STARD6: variants seen among roughly 807,000 people sequenced by gnomAD.
STARD6 encodes stAR-related lipid transfer protein 6.
A neutral mutation model predicts 22.3 loss-of-function variants in STARD6; 21 were observed. The ratio of observed to expected loss-of-function variants is 0.94; its 90% confidence interval spans 0.67 to 1.35. STARD6 has a LOEUF of 1.35. STARD6 is among the 40% of genes most tolerant of loss of function. The pLI is 0.00. For synonymous variants in STARD6, 80 were observed against 88.1 expected (o/e 0.91, Z 0.52); for missense variants, 269 against 266.9 (o/e 1.01, Z -0.05).
chr18:54,328,272 T>C (rs933559980), intron 7 of STARD6, among the ~76,000 whole-genome samples: 4 of 152,208 alleles, frequency 2.6e-5, no homozygotes, highest in African/African-American at 7.2e-5. Context: ...AAAGCCTTTC[T>C]AATATTTACT....
intron 1 of STARD6, chr18:54,356,981 G>A (rs1208793797): frequency 6.6e-6 from 1 of 152,154 alleles, no homozygotes; most frequent in East Asian, 1.9e-4. Flanking sequence ...TAAGAGAAAA[G>A]GGAAGGTAAA....
chr18:54,330,296 A>G (rs1472020644), intron 6 of STARD6, among the ~76,000 whole-genome samples: 1 of 152,054 alleles, frequency 6.6e-6, no homozygotes, highest in Non-Finnish European at 1.5e-5. Context: ...AGCCTATAAT[A>G]GTACTGCCAG....
At chr18:54,351,392 G>A (rs1368300653) in intron 4 of STARD6, among the ~76,000 whole-genome samples, 6 of 152,034 alleles carry the variant, frequency 3.9e-5, no homozygotes, top group African/African-American at 1.2e-4. Flanking sequence ...GGTTTTATAG[G>A]TATACAATCA....
chr18:54,330,756 C>G (rs1182754182), intron 6 of STARD6, among the ~76,000 whole-genome samples: 1 of 152,012 alleles, frequency 6.6e-6, no homozygotes, highest in Non-Finnish European at 1.5e-5. Flanking sequence ...TAGCTTCCCT[C>G]TGATCACTAA....
intron 7 of STARD6, among the ~76,000 whole-genome samples, chr18:54,326,221 G>GA (rs1255403544): frequency 1.3e-5 from 2 of 151,406 alleles, no homozygotes; most frequent in Non-Finnish European, 2.9e-5. Flanking sequence ...ATGCTAAAGG[G>GA]AAAATCTGAT....
intron 4 of STARD6, among the ~76,000 whole-genome samples, chr18:54,340,080 T>C (rs1368727751): frequency 6.6e-6 from 1 of 152,156 alleles, no homozygotes. Flanking sequence ...TATATTTCTA[T>C]ATAGATGTAT....
At chr18:54,357,235 T>C (rs2089158186) in intron 1 of STARD6, 1 of 152,194 alleles carries the variant, frequency 6.6e-6, no homozygotes, top group African/African-American at 2.4e-5. Flanking sequence ...TCACACATGT[T>C]AGTGAGTCTT....
chr18:54,326,460 T>C (rs1786384884), intron 7 of STARD6, among the ~76,000 whole-genome samples: 1 of 151,278 alleles, frequency 6.6e-6, no homozygotes. Flanking sequence ...GCCTCCCGAG[T>C]AGCTGGGACT....
Position 54,324,811 on chromosome 18 carries a change from A to T in STARD6, c.544T>A (p.Ser182Thr). ...QTEMRGKLSP[S>T]IIEKTMPSNL... ...GAAGGCATGGTTTTTTCAATTATTGATGGGGACAATTTTCCTCTCATTTCT... is the reference window on the plus strand; with the variant it reads ...GAAGGCATGGTTTTTTCAATTATTGTTGGGGACAATTTTCCTCTCATTTCT... Residue 182 changes from serine (S) to threonine (T), a missense_variant, in exon 8 of 8, where the codon TCA becomes ACA. Physicochemically the swap from Ser to Thr is moderately conservative, Grantham distance 58. Transcript: ENST00000307844. The T allele has an allele frequency of 4.4e-6, 7 of 1,606,696 alleles. No individual in the cohort carries two copies. The highest frequency in any genetic ancestry group is 5.1e-6 in the Non-Finnish European group (6 of 1,177,372).
At chr18:54,330,739 C>CT (rs946484450) in intron 6 of STARD6, among the ~76,000 whole-genome samples, 3 of 151,982 alleles carry the variant, frequency 2.0e-5, no homozygotes, top group African/African-American at 4.8e-5. Flanking sequence ...ACCTCTACTT[C>CT]TTTTTTTAGC....
intron 4 of STARD6, among the ~76,000 whole-genome samples, chr18:54,344,488 G>T (rs2089015830): frequency 1.1e-5 from 1 of 94,680 alleles, no homozygotes; most frequent in Non-Finnish European, 2.1e-5. Flanking sequence ...TTGTTCACTT[G>T]TTTATCTGCT....
intron 4 of STARD6, among the ~76,000 whole-genome samples, chr18:54,342,200 A>G (rs1030270248): frequency 1.3e-5 from 2 of 152,248 alleles, no homozygotes; most frequent in Non-Finnish European, 2.9e-5. Flanking sequence ...GCACATCTTA[A>G]TTATCTATAA....
chr18:54,352,731 T>C (rs1283670172), intron 4 of STARD6, among the ~76,000 whole-genome samples: 1 of 152,248 alleles, frequency 6.6e-6, no homozygotes, highest in Non-Finnish European at 1.5e-5. Flanking sequence ...ATATCTCTGA[T>C]GAAAATTTCC....
chr18:54,331,992 C>T (rs752915401), intron 5 of STARD6, 133 bp from the exon 6 acceptor site: 10 of 539,360 alleles, frequency 1.9e-5, no homozygotes, highest in East Asian at 9.2e-5. Context: ...TTTAAGATCT[C>T]GTCACCAAAT....
chr18:54,325,554 C>CTT (rs796391910), intron 7 of STARD6, among the ~76,000 whole-genome samples: 4 of 144,998 alleles, frequency 2.8e-5, no homozygotes, highest in Non-Finnish European at 6.1e-5. Flanking sequence ...TCCATTTATG[C>CTT]TTTTTTTTTT....
At chr18:54,354,952 C>T (rs1889379921) in intron 2 of STARD6, among the ~76,000 whole-genome samples, 1 of 152,190 alleles carries the variant, frequency 6.6e-6, no homozygotes, top group South Asian at 2.1e-4. Context: ...CTATCCAGTG[C>T]CTGGCATGCG....
chr18:54,354,286 A>G (rs1434911990), intron 3 of STARD6, 183 bp from the exon 4 acceptor site: 2 of 631,612 alleles, frequency 3.2e-6, no homozygotes, highest in Non-Finnish European at 5.5e-6. Context: ...GGCTATTCAC[A>G]GGCACAATCA....
intron 4 of STARD6, among the ~76,000 whole-genome samples, chr18:54,353,378 G>GAGGA (rs918188111): frequency 1.3e-5 from 2 of 152,204 alleles, no homozygotes; most frequent in Non-Finnish European, 2.9e-5. Context: ...TATTTAAAAT[G>GAGGA]AGGAAGTAGG....
chr18:54,352,120 CTTGT>C (rs1014101152), intron 4 of STARD6, among the ~76,000 whole-genome samples: 9 of 143,924 alleles, frequency 6.3e-5, no homozygotes, highest in Non-Finnish European at 1.4e-4. Flanking sequence ...AATCTTGCTA[CTTGT>C]TTTTGTTTTT....
Sources: allele counts gnomAD v4.1 joint callset (sites outside exome capture counted in the v4.1 genomes callset), GRCh38; gene constraint gnomAD v4.1.1; transcripts MANE v1.5; gene names NCBI Gene and HGNC (gene_info 2026-07-23, HGNC 2026-07-21).